Variants in ADAMTS7 observed in about 807,000 individuals in gnomAD.
ADAMTS7 encodes the protein A disintegrin and metalloproteinase with thrombospondin motifs 7.
ADAMTS7 carries 89 observed loss-of-function variants against 172.6 expected under a neutral mutation model. The observed-to-expected ratio is 0.52, with a 90% CI of 0.43 to 0.61. The LOEUF (loss-of-function observed/expected upper bound fraction) is 0.61. Among genes scored for constraint, ADAMTS7 ranks in the 20% least tolerant of loss-of-function variants. The pLI is 0.00. For missense variants in ADAMTS7, 1,973 were observed against 2,355.6 expected, an observed-to-expected ratio of 0.84 and a Z score of 3.36; for synonymous variants, 885 against 978.4, an observed-to-expected ratio of 0.90 and a Z score of 1.78.
At chr15:78,799,189 T>C (rs1371850028) in intron 2 of ADAMTS7, among the ~76,000 whole-genome samples, 3 of 147,100 alleles carry the variant, frequency 2.0e-5, no homozygotes, top group Non-Finnish European at 4.5e-5. Flanking sequence ...GCCCTGTCAT[T>C]AGGCCCTGTG....
Position 78,766,746 on chromosome 15 carries a change from CG to C in ADAMTS7, c.3164del (p.Pro1055ArgfsTer32), listed in dbSNP as rs1567207213. 1 of 1,610,648 alleles carries C rather than the reference CG, an allele frequency of 6.2e-7. No individual in the cohort carries two copies. Among genetic ancestry groups the C allele is most frequent in the East Asian group, 2.2e-5 (1 of 44,882 alleles). The part of the protein sequence containing the change: ...IEEEAPELDL[P>X]GPVFVDDFYY... ...AGAAGTCGTCCACAAACACGGGCCC[CG>C]GCAGGTCCAGCTCTGGAGCCTCCTC... On this transcript the variant is annotated frameshift_variant, in exon 19 of 24. Coordinates refer to ENST00000388820, the MANE Select transcript of ADAMTS7 (RefSeq NM_014272.5). LOFTEE classifies it high-confidence loss of function.
chr15:78,766,072 T>C lies in ADAMTS7; in HGVS notation c.3839A>G (p.Asp1280Gly). 1 of 1,609,732 alleles carries C rather than the reference T, an allele frequency of 6.2e-7. No individual in the cohort carries two copies. Among genetic ancestry groups the C allele is most frequent in the Non-Finnish European group, 8.5e-7 (1 of 1,179,994 alleles). ...CCCAACAGTGGGCCACAGTTCACTG[T>C]CCACAGGCCCCAGGCCACCCTCCAG... ...PALEGGLGPV[D>G]SELWPTVGVA... The change falls in exon 19 of 24, where the codon GAC becomes GGC. Residue 1280 changes from aspartate to glycine, a missense_variant. Coordinates refer to ENST00000388820, the MANE Select transcript of ADAMTS7 (RefSeq NM_014272.5).
At position 78,777,272 on chromosome 15, in the gene ADAMTS7, C is replaced by T; in HGVS notation, c.1467+172G>A. On this transcript the variant is annotated intron_variant, in intron 9 of 23. Transcript: ENST00000388820. The stretch of plus-strand genomic sequence containing the variant: ...GAATTCAGAGCTGGGTCTGTGGCCG[C>T]CCATCCCTGGCCTCTCCCACAGGCC... 1.2e-5 allele frequency: 11 copies of T among 953,932 alleles called. No homozygotes were observed. In the South Asian group the frequency reaches 1.9e-4, roughly 17 times the overall value. 59.1% of individuals were successfully genotyped at this position (953,932 alleles called of 1,614,324 possible). A position where few individuals can be genotyped will look rare whatever the true frequency, so the allele number is the denominator to read the frequency against.
At chr15:78,800,966 C>T (rs766393919) in intron 1 of ADAMTS7, among the ~76,000 whole-genome samples, 64 of 152,266 alleles carry the variant, frequency 4.2e-4, no homozygotes, top group Non-Finnish European at 7.1e-4. Flanking sequence ...GTCTCAAACT[C>T]CTGAACTCAG....
At position 78,790,754 on chromosome 15, in the gene ADAMTS7, T is replaced by C; in HGVS notation, c.944A>G (p.Lys315Arg). The C allele has an allele frequency of 6.2e-7, 1 of 1,613,990 alleles. No individual in the cohort carries two copies. Among genetic ancestry groups the C allele is most frequent in the Non-Finnish European group, 8.5e-7 (1 of 1,179,956 alleles). The change falls in exon 6 of 24, where the codon AAG (lysine) becomes AGG (arginine). Residue 315 changes from lysine to arginine, a missense_variant. By Grantham distance (26) the Lys-to-Arg change is conservative (BLOSUM62 2). This residue lies in a region of ADAMTS7 where 526 missense variants were observed against 662.9 expected (regional missense o/e 0.79). Transcript: ENST00000388820. ...GCTTTTCTGCCACTTGCAGAAGCTCTTCAGGGTGTTGTCTGCATGGTGCGT... is the reference window on the plus strand; with the variant it reads ...GCTTTTCTGCCACTTGCAGAAGCTCCTCAGGGTGTTGTCTGCATGGTGCGT... ...KITHHADNTL[K>R]SFCKWQKSIN...
intron 5 of ADAMTS7, 96 bp downstream of exon 5, chr15:78,791,044 T>A: frequency 7.0e-7 from 1 of 1,431,320 alleles, no homozygotes; most frequent in South Asian, 1.3e-5. Context: ...CGGCCTTCAC[T>A]GTGCCCTTCC....
Position 78,771,472 on chromosome 15 carries a change from G to T in ADAMTS7, c.2376+113C>A. 1 of 1,538,360 alleles carries T rather than the reference G, an allele frequency of 6.5e-7. No individual in the cohort carries two copies. The highest frequency in any genetic ancestry group is 1.2e-5 in the South Asian group (1 of 84,476). On this transcript the variant is annotated intron_variant, in intron 15 of 23. Transcript: ENST00000388820. This position sits in a 1 kb window ranked among gnomAD's most constrained non-coding sequence, Gnocchi z 4.9. ...AGCAGGAGGGCCTGGCTCAGAGCCA[G>T]GCTCTGTGACTGAACCAGGGCTCAC...
At chr15:78,797,867 T>G in intron 3 of ADAMTS7, 81 bp downstream of exon 3, 2 of 1,484,060 alleles carry the variant, frequency 1.3e-6, no homozygotes, top group Non-Finnish European at 1.8e-6. Flanking sequence ...GGCATGGGGA[T>G]GTTAAGGGGG....
chr15:78,790,600 A>C, intron 6 of ADAMTS7, 70 bp downstream of exon 6: 11 of 1,587,858 alleles, frequency 6.9e-6, no homozygotes, highest in Non-Finnish European at 9.4e-6. Flanking sequence ...CTCCTCCACC[A>C]GGGCTTCTTC....
chr15:78,801,782 A>G (rs2055728497), intron 1 of ADAMTS7, among the ~76,000 whole-genome samples: 3 of 152,076 alleles, frequency 2.0e-5, no homozygotes, highest in African/African-American at 7.2e-5. Context: ...AGCTCGAGCC[A>G]TCCTCCCATC....
chr15:78,793,071 G>A (rs1196330980), intron 4 of ADAMTS7, among the ~76,000 whole-genome samples: 2 of 152,250 alleles, frequency 1.3e-5, no homozygotes, highest in African/African-American at 2.4e-5. Context: ...AACCTCAATC[G>A]AGCTTAACAC....
At chr15:78,772,984 G>A in intron 14 of ADAMTS7, 99 bp downstream of exon 14, 1 of 1,432,624 alleles carries the variant, frequency 7.0e-7, no homozygotes, top group Non-Finnish European at 9.5e-7. Flanking sequence ...CTCCAGGCTG[G>A]GTGGGGGCCA....
chr15:78,775,102 C>A (rs2055321699), intron 11 of ADAMTS7, among the ~76,000 whole-genome samples: 1 of 152,182 alleles, frequency 6.6e-6, no homozygotes, highest in South Asian at 2.1e-4. Flanking sequence ...GGGGTTGGGG[C>A]TGCTTCTGCA....
chr15:78,796,830 C>T, intron 3 of ADAMTS7, 44 bp from the exon 4 acceptor site: 1 of 1,536,640 alleles, frequency 6.5e-7, no homozygotes, highest in Middle Eastern at 2.2e-4. Flanking sequence ...GTGGACAGGC[C>T]CAGGGCACAC....
chr15:78,777,903 C>T (rs1410897222), intron 8 of ADAMTS7, among the ~76,000 whole-genome samples: 1 of 152,232 alleles, frequency 6.6e-6, no homozygotes, highest in Non-Finnish European at 1.5e-5. Flanking sequence ...TCATGTGGCC[C>T]TGCTCTCCGA....
chr15:78,761,505 C>A (rs1422588903), intron 23 of ADAMTS7, among the ~76,000 whole-genome samples: 1 of 152,234 alleles, frequency 6.6e-6, no homozygotes, highest in Non-Finnish European at 1.5e-5. Context: ...TGAGCACCAC[C>A]TGGATCCCCA....
Position 78,763,822 on chromosome 15 carries a change from A to G in ADAMTS7, c.4617T>C (p.Gly1539=). The change falls in exon 22 of 24, where the codon GGT becomes GGC. Residue 1539 remains glycine, a synonymous_variant. Transcript: ENST00000388820. The part of the protein sequence containing the change: ...WRECSEACGG[G]EQQRLVTCPE... ...GGCAGGTCACTAGACGCTGCTGCTC[A>G]CCACCGCCACAGGCCTCGGAGCACT... 1 of 1,579,898 alleles carries G rather than the reference A, an allele frequency of 6.3e-7. No homozygotes were observed.
intron 23 of ADAMTS7, 134 bp from the exon 24 acceptor site, chr15:78,759,712 C>T: frequency 8.4e-7 from 1 of 1,190,280 alleles, no homozygotes; most frequent in Non-Finnish European, 1.1e-6. Flanking sequence ...TGGAGCGGCT[C>T]CCGAACCGGA....
chr15:78,776,927 C>A (rs2055355984), intron 9 of ADAMTS7, 86 bp from the exon 10 acceptor site: 1 of 1,094,904 alleles, frequency 9.1e-7, no homozygotes, highest in Non-Finnish European at 1.3e-6. Context: ...CCCAAGGGTC[C>A]CCTGGGCACC....
Sources: gnomAD v4.1 joint callset for allele counts (sites outside exome capture counted in the v4.1 genomes callset) on GRCh38, gnomAD v4.1.1 for gene constraint, gnomAD v4.1.1 regional missense constraint, Gnocchi (gnomAD v3.1) non-coding constraint, MANE v1.5 for transcripts, NCBI Gene and HGNC (gene_info 2026-07-23, HGNC 2026-07-21) for gene names.